NGLY1: variants seen among roughly 807,000 people sequenced by gnomAD.
NGLY1 encodes the protein peptide-N(4)-(N-acetyl-beta-glucosaminyl)asparagine amidase.
NGLY1 carries 68 observed loss-of-function variants against 84.6 expected under a neutral mutation model. The ratio of observed to expected loss-of-function variants is 0.80; its 90% confidence interval spans 0.66 to 0.98. NGLY1 has a LOEUF of 0.98. Among genes scored for constraint, NGLY1 ranks in the 50% least tolerant of loss-of-function variants. NGLY1 has a pLI of 0.00. For missense variants in NGLY1, 779 were observed against 770.2 expected (o/e 1.01, Z -0.14); for synonymous variants, 280 against 275.2 (o/e 1.02, Z -0.17).
At chr3:25,723,675 A>T (rs1055587179) in intron 10 of NGLY1, among the ~76,000 whole-genome samples, 4 of 151,910 alleles carry the variant, frequency 2.6e-5, no homozygotes, top group South Asian at 4.1e-4. Flanking sequence ...GAGAAAAAAA[A>T]TTTTTTTTAC....
chr3:25,726,432 A>C (rs1240205730), intron 10 of NGLY1, among the ~76,000 whole-genome samples: 1 of 152,214 alleles, frequency 6.6e-6, no homozygotes, highest in African/African-American at 2.4e-5. Context: ...GTCATGAAAG[A>C]GAGGTATATG....
At chr3:25,754,772 T>A (rs150491567) in intron 3 of NGLY1, among the ~76,000 whole-genome samples, 216 of 143,840 alleles carry the variant, frequency 1.5e-3, no homozygotes, top group African/African-American at 4.6e-3. Context: ...AAAGAACACA[T>A]TAGAGATGAC....
intron 9 of NGLY1, chr3:25,730,308 A>C (rs986459865): frequency 2.0e-5 from 3 of 152,084 alleles, no homozygotes; most frequent in Non-Finnish European, 4.4e-5. Flanking sequence ...TTTTCTATTT[A>C]CTTTTAAAAC....
intron 10 of NGLY1, among the ~76,000 whole-genome samples, chr3:25,724,204 A>G (rs1705144021): frequency 6.6e-6 from 1 of 152,112 alleles, no homozygotes. Context: ...TTTGGACTAT[A>G]TTGTTTGAAG....
At chr3:25,738,062 G>A (rs1048138197) in intron 5 of NGLY1, among the ~76,000 whole-genome samples, 13 of 152,188 alleles carry the variant, frequency 8.5e-5, no homozygotes, top group Admixed American at 8.5e-4. Context: ...TCAGAAAGTG[G>A]CTGGTGAGGA....
chr3:25,722,274 C>CAT (rs1553650650), intron 10 of NGLY1, among the ~76,000 whole-genome samples: 2,170 of 148,590 alleles, frequency 0.015, 60 homozygotes, highest in African/African-American at 0.049. Context: ...TGTATACACA[C>CAT]ATATATATAT....
chr3:25,768,498 T>C (rs1707727400), intron 2 of NGLY1, among the ~76,000 whole-genome samples: 1 of 149,864 alleles, frequency 6.7e-6, no homozygotes, highest in Non-Finnish European at 1.5e-5. Context: ...GTAAGACTAC[T>C]AGAAGAAAAT....
intron 2 of NGLY1, among the ~76,000 whole-genome samples, chr3:25,765,590 C>A (rs904163532): frequency 3.3e-5 from 5 of 151,946 alleles, no homozygotes; most frequent in African/African-American, 1.2e-4. Flanking sequence ...ATCAACTGAA[C>A]AAGACATTAC....
At chr3:25,733,409 G>C (rs1389899776) in intron 8 of NGLY1, among the ~76,000 whole-genome samples, 1 of 151,424 alleles carries the variant, frequency 6.6e-6, no homozygotes, top group Non-Finnish European at 1.5e-5. Flanking sequence ...CCTCCTCTCA[G>C]AAGTAGTCAT....
intron 2 of NGLY1, among the ~76,000 whole-genome samples, chr3:25,771,500 A>G (rs905885001): frequency 4.6e-5 from 7 of 151,998 alleles, no homozygotes; most frequent in African/African-American, 1.7e-4. Context: ...TTTTTTGGTT[A>G]GTCTTGTTTT....
At chr3:25,774,043 T>G (rs1479780178) in intron 2 of NGLY1, among the ~76,000 whole-genome samples, 1 of 152,212 alleles carries the variant, frequency 6.6e-6, no homozygotes, top group Non-Finnish European at 1.5e-5. Context: ...GGACTCTGTG[T>G]GGGACCTTGG....
At chr3:25,752,156 T>G (rs917537092) in intron 3 of NGLY1, among the ~76,000 whole-genome samples, 1 of 152,176 alleles carries the variant, frequency 6.6e-6, no homozygotes, top group Non-Finnish European at 1.5e-5. Flanking sequence ...TTTAAAAAGT[T>G]TCAATAGTAC....
At chr3:25,751,298 C>A in intron 3 of NGLY1, 35 bp from the exon 4 acceptor site, 1 of 1,463,250 alleles carries the variant, frequency 6.8e-7, no homozygotes, top group South Asian at 1.4e-5. Context: ...ATTAACTTTT[C>A]ACCATATGCT....
In NGLY1 at chr3:25,758,393, T is replaced by A. The variant is rs1398812955; in HGVS notation, c.492+5673A>T. 3.3e-5 allele frequency among the ~76,000 whole-genome samples: 5 copies of A among 152,080 alleles called. No individual in the cohort carries two copies. The East Asian group carries it at 7.8e-4, about 24-fold the overall frequency. ...GAGTTCCAGACCACCCTGAGCAACA[T>A]GGCAAGACCCTCATCTCTACAAAAA... On this transcript the variant is annotated intron_variant, in intron 3 of 11. Transcript: ENST00000280700.
At chr3:25,755,507 C>T in intron 3 of NGLY1, 1 of 1,459,040 alleles carries the variant, frequency 6.9e-7, no homozygotes, top group Non-Finnish European at 9.6e-7. Flanking sequence ...CCACACCTGT[C>T]AAACCAGTTC....
intron 2 of NGLY1, among the ~76,000 whole-genome samples, chr3:25,765,548 T>C (rs1227004212): frequency 1.3e-5 from 2 of 151,904 alleles, no homozygotes; most frequent in Non-Finnish European, 2.9e-5. Flanking sequence ...ACAATATTAC[T>C]GTATTTCCCT....
At chr3:25,755,636 G>A (rs1707000594) in intron 3 of NGLY1, 4 of 1,480,750 alleles carry the variant, frequency 2.7e-6, no homozygotes, top group East Asian at 2.3e-5. Flanking sequence ...CAAACCCACT[G>A]AAGAGAAAAA....
upstream of NGLY1, among the ~76,000 whole-genome samples, chr3:25,787,604 G>A (rs1471082240): frequency 6.6e-6 from 1 of 152,184 alleles, no homozygotes; most frequent in Non-Finnish European, 1.5e-5. Flanking sequence ...GAGTAAGAGA[G>A]ACTCCAGTGA....
intron 1 of NGLY1, among the ~76,000 whole-genome samples, chr3:25,780,511 A>G (rs539320016): frequency 1.3e-5 from 2 of 152,188 alleles, no homozygotes; most frequent in Non-Finnish European, 2.9e-5. Context: ...TTTTCCTCAC[A>G]GCTTTCAGAT....
Sources: gnomAD v4.1 joint callset for allele counts (sites outside exome capture counted in the v4.1 genomes callset) on GRCh38, gnomAD v4.1.1 for gene constraint, MANE v1.5 for transcripts, NCBI Gene and HGNC (gene_info 2026-07-23, HGNC 2026-07-21) for gene names.